Variants in GRM4 observed in about 807,000 individuals in gnomAD.
GRM4 encodes the protein metabotropic glutamate receptor 4.
A neutral mutation model predicts 81.7 loss-of-function variants in GRM4; 28 were observed. That is an observed-to-expected ratio of 0.34 (90% CI 0.25 to 0.47). GRM4 has a LOEUF of 0.47. GRM4 is among the 20% of genes least tolerant of loss of function. The probability of loss-of-function intolerance (pLI) is 1.00; values close to 1 mark genes in which losing one functional copy is unlikely to be tolerated. For missense variants in GRM4, 948 were observed against 1,290.0 expected, an observed-to-expected ratio of 0.73 and a Z score of 4.06; for synonymous variants, 488 against 528.8, an observed-to-expected ratio of 0.92 and a Z score of 1.06.
At chr6:34,151,957 G>C (rs1771055905) in intron 1 of GRM4, among the ~76,000 whole-genome samples, 1 of 152,010 alleles carries the variant, frequency 6.6e-6, no homozygotes, top group African/African-American at 2.4e-5. Context: ...TGAAAGAATG[G>C]AGTGAGAAAT....
At chr6:34,026,042 T>C (rs73745001) in intron 10 of GRM4, among the ~76,000 whole-genome samples, 2,574 of 152,272 alleles carry the variant, frequency 0.017, 74 homozygotes, top group African/African-American at 0.057. Context: ...GGTTTTCAGT[T>C]GCCGGAGGCG....
Position 34,018,883 on chromosome 6 carries a change from G to C in GRM4, c.*3938C>G, listed in dbSNP as rs1298142163. 6.6e-6 allele frequency: 1 copy of C among 152,524 alleles called. No homozygotes were observed. Among genetic ancestry groups the C allele is most frequent in the Admixed American group, 6.5e-5 (1 of 15,292 alleles). 9.4% of individuals were successfully genotyped at this position (152,524 alleles called of 1,614,324 possible). Reference sequence around the variant, plus strand: ...CCTGAGGGGCAGCCAGGACCATCCAGGGCAGGCAGGATGACAGAAGGAGCC... The same window carrying C: ...CCTGAGGGGCAGCCAGGACCATCCACGGCAGGCAGGATGACAGAAGGAGCC... On this transcript the variant is annotated 3_prime_UTR_variant, in exon 11 of 11. Transcript: ENST00000538487.
At chr6:34,081,304 C>T (rs1292116232) in intron 3 of GRM4, among the ~76,000 whole-genome samples, 2 of 152,102 alleles carry the variant, frequency 1.3e-5, no homozygotes, top group Non-Finnish European at 2.9e-5. Flanking sequence ...AGGCTGGGGC[C>T]GGGGAGCAGC....
rs1770452489 is a variant in GRM4 at position 34,136,351 on chromosome 6, C to T, written c.-363-2492G>A. 6.6e-6 allele frequency among the ~76,000 whole-genome samples: 1 copy of T among 152,018 alleles called. No individual in the cohort carries two copies. Among genetic ancestry groups the T allele is most frequent in the African/African-American group, 2.4e-5 (1 of 41,372 alleles). ...TTCTAAGGTCCTGTGAGTTTATGAT[C>T]GGTTTCCATGAATTTCAAACAGAGG... On this transcript the variant is annotated intron_variant, in intron 1 of 10. Coordinates refer to ENST00000538487, the MANE Select transcript of GRM4 (RefSeq NM_000841.4). This position sits in a 1 kb window ranked among gnomAD's most constrained non-coding sequence, Gnocchi z 4.1.
rs1187813510 is a variant in GRM4 at position 34,019,268 on chromosome 6, C to T, written c.*3553G>A. 1 of 152,300 alleles carries T rather than the reference C, an allele frequency of 6.6e-6. No homozygotes were observed. The highest frequency in any genetic ancestry group is 2.4e-5 in the African/African-American group (1 of 41,456). 9.4% of individuals were successfully genotyped at this position (152,300 alleles called of 1,614,324 possible). A position where few individuals can be genotyped will look rare whatever the true frequency, so the allele number is the denominator to read the frequency against. ...ACTCTGCTCCTGAGGTGGGTCTCCC[C>T]AGGGTCCTAGGAGTTCCACAAAGGT... On this transcript the variant is annotated 3_prime_UTR_variant, in exon 11 of 11. Transcript: ENST00000538487.
At chr6:34,091,682 C>A in intron 3 of GRM4, 1 of 592,388 alleles carries the variant, frequency 1.7e-6, no homozygotes, top group Non-Finnish European at 3.0e-6. Flanking sequence ...GCCTCACAGT[C>A]GCCGTTGACC....
intron 2 of GRM4, among the ~76,000 whole-genome samples, chr6:34,125,682 A>G (rs1473739142): frequency 6.6e-6 from 1 of 152,188 alleles, no homozygotes; most frequent in Non-Finnish European, 1.5e-5. Context: ...GCTTCCCCTC[A>G]GGGCTCCTGG....
At chr6:34,140,889 C>T (rs916888461) in intron 1 of GRM4, among the ~76,000 whole-genome samples, 1 of 152,258 alleles carries the variant, frequency 6.6e-6, no homozygotes, top group African/African-American at 2.4e-5. Context: ...CAATCAACAT[C>T]CAAACTGCAC....
intron 3 of GRM4, among the ~76,000 whole-genome samples, chr6:34,082,386 C>T (rs1158026096): frequency 6.6e-6 from 1 of 152,194 alleles, no homozygotes. Flanking sequence ...ACACAGGAAG[C>T]CAGAGACCAA....
chr6:34,091,815 G>T, intron 3 of GRM4, 68 bp downstream of exon 3: 1 of 1,173,604 alleles, frequency 8.5e-7, no homozygotes, highest in Non-Finnish European at 1.2e-6. Flanking sequence ...GGAGCTCCTG[G>T]TGGGTCAGTC....
chr6:34,063,008 C>T (rs1051698660), intron 3 of GRM4: 6 of 152,236 alleles, frequency 3.9e-5, no homozygotes, highest in African/African-American at 1.2e-4. Context: ...CTGGAGACCC[C>T]CAGAGAATAA....
At chr6:34,076,047 C>T (rs1003126261) in intron 3 of GRM4, among the ~76,000 whole-genome samples, 20 of 152,310 alleles carry the variant, frequency 1.3e-4, no homozygotes, top group East Asian at 5.8e-4. Flanking sequence ...TGGCAGGAGC[C>T]GAGGCACAGT....
At chr6:34,041,048 A>G (rs1057217694) in intron 6 of GRM4, among the ~76,000 whole-genome samples, 9 of 152,280 alleles carry the variant, frequency 5.9e-5, no homozygotes, top group African/African-American at 2.2e-4. Context: ...ACCTTTCACC[A>G]TGGAAGGCAG....
rs1767222331 is a variant in GRM4 at position 34,074,707 on chromosome 6, A to G, written c.737-12679T>C. Among the ~76,000 whole-genome samples, 1 of 152,230 alleles carries G rather than the reference A, an allele frequency of 6.6e-6. No homozygotes were observed. Among genetic ancestry groups the G allele is most frequent in the East Asian group, 1.9e-4 (1 of 5,200 alleles). On this transcript the variant is annotated intron_variant, in intron 3 of 10. Coordinates refer to ENST00000538487, the MANE Select transcript of GRM4 (RefSeq NM_000841.4). This position sits in a 1 kb window ranked among gnomAD's most constrained non-coding sequence, Gnocchi z 4.9. ...AAATTTGCTGAGTGATCGACTTAAT[A>G]TCTCAACACAAACCCACTTAGGCAA...
intron 1 of GRM4, among the ~76,000 whole-genome samples, chr6:34,141,360 G>A (rs1210062403): frequency 6.6e-6 from 1 of 152,150 alleles, no homozygotes; most frequent in Non-Finnish European, 1.5e-5. Flanking sequence ...AGCATGGCTC[G>A]GCCCCAAATG....
chr6:34,154,913 C>G (rs1029868112), intron 1 of GRM4, among the ~76,000 whole-genome samples: 1 of 152,208 alleles, frequency 6.6e-6, no homozygotes, highest in African/African-American at 2.4e-5. Flanking sequence ...CTCCCCATCG[C>G]GGGCCAGCAC....
At chr6:34,125,334 C>T (rs1027758439) in intron 2 of GRM4, among the ~76,000 whole-genome samples, 1 of 152,210 alleles carries the variant, frequency 6.6e-6, no homozygotes, top group Non-Finnish European at 1.5e-5. Flanking sequence ...CCAAACCCCC[C>T]ATACCTCAGG....
rs937386095 is a variant in GRM4, at chr6:34,068,075, C to T, written c.737-6047G>A. 9.2e-5 allele frequency among the ~76,000 whole-genome samples: 14 copies of T among 152,314 alleles called. No homozygotes were observed. Among genetic ancestry groups the T allele is most frequent in the Admixed American group, 7.2e-4 (11 of 15,304 alleles). On this transcript the variant is annotated intron_variant, in intron 3 of 10. Coordinates refer to ENST00000538487, the MANE Select transcript of GRM4 (RefSeq NM_000841.4). This position sits in a 1 kb window ranked among gnomAD's most constrained non-coding sequence, Gnocchi z 4.2. ...CAGAAGCCCGGCGCCATGCAGCCTGCGTCCCAGGGTGGGAAGGAACCGTAA... is the reference window on the plus strand; with the variant it reads ...CAGAAGCCCGGCGCCATGCAGCCTGTGTCCCAGGGTGGGAAGGAACCGTAA...
rs937915129 is a variant in GRM4 at position 34,074,238 on chromosome 6, T to G, written c.737-12210A>C. ...CCCATCTCAACCACCTACTGCTTCG[T>G]GATGAAAGCCACGTTGCCCACTCTC... is the stretch of plus-strand genomic sequence containing the variant. On this transcript the variant is annotated intron_variant, in intron 3 of 10. Coordinates refer to ENST00000538487, the MANE Select transcript of GRM4 (RefSeq NM_000841.4). The surrounding 1 kb of genome is among the most constrained non-coding windows in gnomAD (Gnocchi z 4.9). Among the ~76,000 whole-genome samples, 4 of 152,156 alleles carry G rather than the reference T, an allele frequency of 2.6e-5. No individual in the cohort carries two copies. The highest frequency in any genetic ancestry group is 9.7e-5 in the African/African-American group (4 of 41,436).
Sources: allele counts gnomAD v4.1 joint callset (sites outside exome capture counted in the v4.1 genomes callset), GRCh38; gene constraint gnomAD v4.1.1; non-coding constraint Gnocchi (gnomAD v3.1); transcripts MANE v1.5; gene names NCBI Gene and HGNC (gene_info 2026-07-23, HGNC 2026-07-21).